PCDHGB7: variants seen among roughly 807,000 people sequenced by gnomAD.
The protein encoded by PCDHGB7 is protocadherin gamma-B7.
Under a neutral mutation model 61.4 loss-of-function variants are expected in PCDHGB7, and 37 were observed. The ratio of observed to expected loss-of-function variants is 0.60; its 90% CI spans 0.46 to 0.79. The LOEUF (loss-of-function observed/expected upper bound fraction) is 0.79, where lower values mean the gene tolerates loss of function less well. Ranked by LOEUF, PCDHGB7 falls within the 30% of genes least tolerant of loss-of-function variation. The pLI is 0.00. For missense variants in PCDHGB7, 1,166 were observed against 1,202.5 expected (o/e 0.97, Z 0.45); for synonymous variants, 464 against 503.5 (o/e 0.92, Z 1.05).
In PCDHGB7 at chr5:141,476,351, G is replaced by A; in HGVS notation, c.2416-18456G>A. The A allele has an allele frequency of 1.2e-6, 2 of 1,614,182 alleles. No individual in the cohort carries two copies. The highest frequency in any genetic ancestry group is 1.7e-6 in the Non-Finnish European group (2 of 1,180,046). ...TGGAGCTAGCCGAAGATTCTTTGAG[G>A]TGAACCGGGAGACCGGAGAGATGTT... On this transcript the variant is annotated intron_variant, in intron 1 of 3. Coordinates refer to ENST00000398594, the MANE Select transcript of PCDHGB7 (RefSeq NM_018927.4). This position sits in a 1 kb window ranked among gnomAD's most constrained non-coding sequence, Gnocchi z 7.6.
At chr5:141,498,429 G>T (rs1595525351) in intron 2 of PCDHGB7, among the ~76,000 whole-genome samples, 1 of 152,290 alleles carries the variant, frequency 6.6e-6, no homozygotes, top group East Asian at 1.9e-4. Flanking sequence ...GGAGTGAGGG[G>T]ATGAAGAGGA....
intron 2 of PCDHGB7, among the ~76,000 whole-genome samples, chr5:141,501,771 G>A (rs957546749): frequency 7.2e-5 from 11 of 152,118 alleles, no homozygotes; most frequent in African/African-American, 2.7e-4. Context: ...GGTTAAAAAA[G>A]AGGTCTCTCT....
chr5:141,480,816 G>A (rs1400500941), intron 1 of PCDHGB7, among the ~76,000 whole-genome samples: 4 of 152,208 alleles, frequency 2.6e-5, no homozygotes, highest in Admixed American at 2.0e-4. Flanking sequence ...GGAGGCTGAG[G>A]TGGGTGGATC....
Position 141,476,214 on chromosome 5 carries a change from T to C in PCDHGB7, c.2416-18593T>C, listed in dbSNP as rs768153063. 1 of 1,613,974 alleles carries C rather than the reference T, an allele frequency of 6.2e-7. No homozygotes were observed. Among genetic ancestry groups the C allele is most frequent in the African/African-American group, 1.3e-5 (1 of 74,990 alleles). ...GCCTTGAACAAGGCTTCCACGGTCA[T>C]TCACTATGAGATCCCGGAGGAAAGA... On this transcript the variant is annotated intron_variant, in intron 1 of 3. Coordinates refer to ENST00000398594, the MANE Select transcript of PCDHGB7 (RefSeq NM_018927.4). The surrounding 1 kb of genome is among the most constrained non-coding windows in gnomAD (Gnocchi z 7.6).
chr5:141,487,004 C>G lies in PCDHGB7; in HGVS notation c.2416-7803C>G. 1 of 1,614,224 alleles carries G rather than the reference C, an allele frequency of 6.2e-7. No homozygotes were observed. The highest frequency in any genetic ancestry group is 1.1e-5 in the South Asian group (1 of 91,086). On this transcript the variant is annotated intron_variant, in intron 1 of 3. Transcript: ENST00000398594. This position sits in a 1 kb window ranked among gnomAD's most constrained non-coding sequence, Gnocchi z 5.0. ...CAATGCTTGGGTTTCCTATCAGCTC[C>G]TGGAGGCCCCAGATCCCAGCCTGTT...
intron 1 of PCDHGB7, among the ~76,000 whole-genome samples, chr5:141,454,731 G>T (rs1249851832): frequency 6.7e-6 from 1 of 150,262 alleles, no homozygotes; most frequent in Non-Finnish European, 1.5e-5. Context: ...ATATGTTATA[G>T]GATGAAAAGA....
At position 141,476,172 on chromosome 5, in the gene PCDHGB7, T is replaced by C; in HGVS notation, c.2416-18635T>C. 6.2e-7 allele frequency: 1 copy of C among 1,612,930 alleles called. No individual in the cohort carries two copies. The highest frequency in any genetic ancestry group is 1.1e-5 in the South Asian group (1 of 91,026). On this transcript the variant is annotated intron_variant, in intron 1 of 3. Coordinates refer to ENST00000398594, the MANE Select transcript of PCDHGB7 (RefSeq NM_018927.4). This position sits in a 1 kb window ranked among gnomAD's most constrained non-coding sequence, Gnocchi z 7.6. ...GTAAGCACCGGGAGGGTAGTGGGAG[T>C]TTTGCTTCTGCTTGGTGCCTTGAAC...
At position 141,485,568 on chromosome 5, in the gene PCDHGB7, G is replaced by T. The variant is rs1020556289; in HGVS notation, c.2416-9239G>T. 6.2e-7 allele frequency: 1 copy of T among 1,612,758 alleles called. No homozygotes were observed. Among genetic ancestry groups the T allele is most frequent in the Non-Finnish European group, 8.5e-7 (1 of 1,178,924 alleles). On this transcript the variant is annotated intron_variant, in intron 1 of 3. Coordinates refer to ENST00000398594, the MANE Select transcript of PCDHGB7 (RefSeq NM_018927.4). The surrounding 1 kb of genome is among the most constrained non-coding windows in gnomAD (Gnocchi z 5.7). Reference sequence around the variant, plus strand: ...GTAGATGTGAATGATCACGCCCCCCGTTTTCCGCGGCAGCAGCTGGACTTG... The same window carrying T: ...GTAGATGTGAATGATCACGCCCCCCTTTTTCCGCGGCAGCAGCTGGACTTG...
Position 141,490,019 on chromosome 5 carries a change from T to C in PCDHGB7, c.2416-4788T>C. 2 of 1,614,272 alleles carry C rather than the reference T, an allele frequency of 1.2e-6. No homozygotes were observed. Among genetic ancestry groups the C allele is most frequent in the East Asian group, 2.2e-5 (1 of 44,886 alleles). ...CCAGAGAATGCACCCATTGGTACTCTGCTGCTCCGCCTCAATGCCACTGAT... is the reference window on the plus strand; with the variant it reads ...CCAGAGAATGCACCCATTGGTACTCCGCTGCTCCGCCTCAATGCCACTGAT... On this transcript the variant is annotated intron_variant, in intron 1 of 3. Coordinates refer to ENST00000398594, the MANE Select transcript of PCDHGB7 (RefSeq NM_018927.4). This position sits in a 1 kb window ranked among gnomAD's most constrained non-coding sequence, Gnocchi z 5.4.
At position 141,477,160 on chromosome 5, in the gene PCDHGB7, C is replaced by G. The variant is rs768436526; in HGVS notation, c.2416-17647C>G. 2 of 1,614,186 alleles carry G rather than the reference C, an allele frequency of 1.2e-6. No homozygotes were observed. Among genetic ancestry groups the G allele is most frequent in the Admixed American group, 1.7e-5 (1 of 60,020 alleles). On this transcript the variant is annotated intron_variant, in intron 1 of 3. Transcript: ENST00000398594. The surrounding 1 kb of genome is among the most constrained non-coding windows in gnomAD (Gnocchi z 4.9). ...TGGAGGTTGTGGATGTGAATGACAA[C>G]GCCCCGGAGATCACAGTCACCTCCG...
intron 1 of PCDHGB7, among the ~76,000 whole-genome samples, chr5:141,453,293 T>TTATG: frequency 6.6e-6 from 1 of 151,872 alleles, no homozygotes; most frequent in Non-Finnish European, 1.5e-5. Flanking sequence ...TTTTAATTAT[T>TTATG]TATTTATTTA....
intron 2 of PCDHGB7, among the ~76,000 whole-genome samples, chr5:141,502,865 T>C (rs538731947): frequency 3.0e-5 from 4 of 131,428 alleles, no homozygotes; most frequent in Non-Finnish European, 6.3e-5. Context: ...TGACTCTCTG[T>C]CTTTTTTTTT....
intron 1 of PCDHGB7, among the ~76,000 whole-genome samples, chr5:141,438,611 TATATATATATATATATATATATATAC>T (rs1451681129): frequency 0.1 from 4,016 of 39,372 alleles, 166 homozygotes; most frequent in Middle Eastern, 0.18. Context: ...TATATATATA[TATATATATATATATATATATATATAC>T]ACACACACAC....
chr5:141,489,069 C>G lies in PCDHGB7; in HGVS notation c.2416-5738C>G. ...TCAAATTCAGCTCCCCTCCCCCCTGCCCACCCCCGCCACTCGGTGACTAAG... is the reference window on the plus strand; with the variant it reads ...TCAAATTCAGCTCCCCTCCCCCCTGGCCACCCCCGCCACTCGGTGACTAAG... On this transcript the variant is annotated intron_variant, in intron 1 of 3. Coordinates refer to ENST00000398594, the MANE Select transcript of PCDHGB7 (RefSeq NM_018927.4). The surrounding 1 kb of genome is among the most constrained non-coding windows in gnomAD (Gnocchi z 4.5). 6.4e-5 allele frequency: 18 copies of G among 281,056 alleles called. No homozygotes were observed. Among genetic ancestry groups the G allele is most frequent in the Middle Eastern group, 1.1e-3 (1 of 944 alleles). 17.4% of individuals were successfully genotyped at this position (281,056 alleles called of 1,614,324 possible).
intron 1 of PCDHGB7, among the ~76,000 whole-genome samples, chr5:141,448,711 C>T (rs62379167): frequency 0.23 from 35,567 of 151,844 alleles, 4,336 homozygotes; most frequent in Admixed American, 0.32. Context: ...GAGGCCGAGG[C>T]GGGAGGATCA....
chr5:141,478,290 A>G, intron 1 of PCDHGB7: 1 of 1,614,056 alleles, frequency 6.2e-7, no homozygotes, highest in South Asian at 1.1e-5. Flanking sequence ...CAGTCTAGAG[A>G]CCTATACCGA....
chr5:141,450,468 A>G (rs1187171122), intron 1 of PCDHGB7, among the ~76,000 whole-genome samples: 2 of 151,696 alleles, frequency 1.3e-5, no homozygotes, highest in African/African-American at 4.9e-5. Flanking sequence ...TTTTATATAT[A>G]GAGTTTGTTT....
chr5:141,423,693 G>A (rs114008539), intron 1 of PCDHGB7: 1 of 1,396,244 alleles, frequency 7.2e-7, no homozygotes, highest in Non-Finnish European at 9.4e-7. Flanking sequence ...CTAATTGTTG[G>A]TGTCTTGGCA....
rs1236124418 is a variant in PCDHGB7, at chr5:141,417,680, A to G, written c.-180A>G. The G allele has an allele frequency of 2.1e-5, 21 of 1,016,072 alleles. No homozygotes were observed. Among genetic ancestry groups the G allele is most frequent in the Non-Finnish European group, 2.9e-5 (21 of 723,748 alleles). The allele number at this position is 1,016,072 out of a possible 1,614,324, so 62.9% of individuals were successfully genotyped here. ...TGGGATTCCCTGCGCAGCCAACAACAGAAAAGAAAACCAGCTCCCACACAG... is the reference window on the plus strand; with the variant it reads ...TGGGATTCCCTGCGCAGCCAACAACGGAAAAGAAAACCAGCTCCCACACAG... On this transcript the variant is annotated 5_prime_UTR_variant, in exon 1 of 4. Coordinates refer to ENST00000398594, the MANE Select transcript of PCDHGB7 (RefSeq NM_018927.4).
Sources: gnomAD v4.1 joint callset for allele counts (sites outside exome capture counted in the v4.1 genomes callset) on GRCh38, gnomAD v4.1.1 for gene constraint, Gnocchi (gnomAD v3.1) non-coding constraint, MANE v1.5 for transcripts, NCBI Gene and HGNC (gene_info 2026-07-23, HGNC 2026-07-21) for gene names.